Variants in PREP observed in about 807,000 individuals in gnomAD.
PREP encodes the protein prolyl endopeptidase, also known as dJ355L5.1 (prolyl endopeptidase).
PREP carries 29 observed loss-of-function variants against 87.6 expected under a neutral mutation model. That is an observed-to-expected ratio of 0.33 (90% CI 0.25 to 0.45). PREP has a LOEUF of 0.45. PREP is among the 20% of genes least tolerant of loss of function. PREP has a pLI of 1.00. For synonymous variants in PREP, 337 were observed against 328.6 expected (o/e 1.03, Z -0.28); for missense variants, 695 against 886.5 (o/e 0.78, Z 2.74).
chr6:105,352,204 G>A (rs1019831562), intron 7 of PREP, among the ~76,000 whole-genome samples: 1 of 152,084 alleles, frequency 6.6e-6, no homozygotes, highest in Admixed American at 6.5e-5. Flanking sequence ...TGTCCTTATC[G>A]GGGTGCCAGT....
chr6:105,377,112 C>T (rs1023215212), intron 3 of PREP, among the ~76,000 whole-genome samples: 30 of 152,174 alleles, frequency 2.0e-4, no homozygotes, highest in African/African-American at 6.8e-4. Context: ...TATGAATCAT[C>T]CTATCTCACC....
chr6:105,292,580 C>G (rs1330788820), intron 10 of PREP, among the ~76,000 whole-genome samples: 1 of 152,152 alleles, frequency 6.6e-6, no homozygotes, highest in Non-Finnish European at 1.5e-5. Context: ...TGCTTAAGGG[C>G]CCTGGGATTT....
chr6:105,313,977 A>G (rs2114636862), intron 10 of PREP, among the ~76,000 whole-genome samples: 1 of 152,370 alleles, frequency 6.6e-6, no homozygotes, highest in South Asian at 2.1e-4. Context: ...CTATACAGGC[A>G]CACCTCATAG....
At chr6:105,376,339 A>G (rs1392545710) in intron 3 of PREP, 84 bp from the exon 4 acceptor site, 1 of 1,484,850 alleles carries the variant, frequency 6.7e-7, no homozygotes, top group Admixed American at 2.0e-5. Context: ...AAAAACCAAA[A>G]CAAAACCAAA....
intron 10 of PREP, chr6:105,323,152 G>A: frequency 7.8e-7 from 1 of 1,284,418 alleles, no homozygotes; most frequent in South Asian, 1.2e-5. Context: ...TGAAAAGATG[G>A]TGGCCAAAGA....
At chr6:105,371,500 CAAAAAAAAAAA>C (rs528772896) in intron 5 of PREP, among the ~76,000 whole-genome samples, 2 of 44,804 alleles carry the variant, frequency 4.5e-5, no homozygotes, top group African/African-American at 1.2e-4. Flanking sequence ...GATTCCATCT[CAAAAAAAAAAA>C]AAAAAAAAAA....
At chr6:105,302,683 C>T (rs1053927325) in intron 10 of PREP, 4 of 492,594 alleles carry the variant, frequency 8.1e-6, no homozygotes, top group Admixed American at 2.4e-5. Flanking sequence ...GTGGATGACA[C>T]GGATCTTAGA....
intron 2 of PREP, among the ~76,000 whole-genome samples, chr6:105,391,870 T>G (rs1773158832): frequency 6.6e-6 from 1 of 151,960 alleles, no homozygotes; most frequent in African/African-American, 2.4e-5. Context: ...AAGGTAAAGT[T>G]TAGGAAGTCA....
chr6:105,371,047 T>G (rs901658643), intron 5 of PREP, among the ~76,000 whole-genome samples: 1 of 152,152 alleles, frequency 6.6e-6, no homozygotes, highest in Non-Finnish European at 1.5e-5. Context: ...TCAATGTAGA[T>G]TTACCAATGA....
chr6:105,392,587 GT>G (rs909931190), intron 2 of PREP, among the ~76,000 whole-genome samples: 11 of 151,508 alleles, frequency 7.3e-5, no homozygotes, highest in Non-Finnish European at 1.3e-4. Flanking sequence ...GTTTTTGTTT[GT>G]TTTTTTGAGA....
rs540132728 is a variant in PREP, at chr6:105,291,639, G to C, written c.1318-2745C>G. Among the ~76,000 whole-genome samples the C allele has an allele frequency of 1.4e-4, 22 of 152,264 alleles. No homozygotes were observed. The East Asian group carries it at 4.1e-3, about 28-fold the overall frequency. On this transcript the variant is annotated intron_variant, in intron 10 of 14. Coordinates refer to ENST00000652536, the MANE Select transcript of PREP (RefSeq NM_002726.5). ...TCCAGGTTCTTCAGTTTTGGGACTTGGACTGGCTCTCCTTGCTCCTGAGCT... is the reference window on the plus strand; with the variant it reads ...TCCAGGTTCTTCAGTTTTGGGACTTCGACTGGCTCTCCTTGCTCCTGAGCT...
intron 14 of PREP, among the ~76,000 whole-genome samples, chr6:105,279,556 AACTTGGAGCTCTAGCTC>A (rs1164895539): frequency 1.3e-5 from 2 of 152,194 alleles, no homozygotes; most frequent in African/African-American, 4.8e-5. Context: ...CAGCCATTCA[AACTTGGAGCTCTAGCTC>A]TTTTTTTGGG....
intron 11 of PREP, among the ~76,000 whole-genome samples, chr6:105,288,511 G>A (rs137896798): frequency 1.3e-5 from 2 of 152,210 alleles, no homozygotes; most frequent in African/African-American, 2.4e-5. Context: ...CCGCCACCAC[G>A]TCCAGCTAAT....
At position 105,278,088 on chromosome 6, in the gene PREP, A is replaced by G. The variant is rs189381812; in HGVS notation, c.*56T>C. On this transcript the variant is annotated 3_prime_UTR_variant, in exon 15 of 15. Coordinates refer to ENST00000652536, the MANE Select transcript of PREP (RefSeq NM_002726.5). The surrounding 1 kb of genome is among the most constrained non-coding windows in gnomAD (Gnocchi z 4.2). ...TATGCCCAGTGGTTTCTTGGTGTCA[A>G]CGTGGGAAAGCCCTTGAGGTTTTCT... is the stretch of plus-strand genomic sequence containing the variant. 1.0e-5 allele frequency: 16 copies of G among 1,556,934 alleles called. No individual in the cohort carries two copies. The East Asian group carries it at 1.8e-4, about 18-fold the overall frequency.
chr6:105,308,333 T>C (rs1294409893), intron 10 of PREP, among the ~76,000 whole-genome samples: 1 of 152,196 alleles, frequency 6.6e-6, no homozygotes, highest in Admixed American at 6.5e-5. Context: ...GTCAGTAGAA[T>C]TGCCTTTTTA....
chr6:105,282,010 T>G, intron 13 of PREP, 108 bp from the exon 14 acceptor site: 1 of 1,327,368 alleles, frequency 7.5e-7, no homozygotes, highest in Non-Finnish European at 1.0e-6. Flanking sequence ...TGGTTGCATT[T>G]ATCCAGAGCA....
intron 7 of PREP, among the ~76,000 whole-genome samples, chr6:105,342,787 AAAG>A (rs1299919259): frequency 6.6e-6 from 1 of 152,228 alleles, no homozygotes; most frequent in East Asian, 1.9e-4. Context: ...CAATTGCTAC[AAAG>A]AGAATAAAAT....
At chr6:105,353,632 C>T (rs1466594700) in intron 6 of PREP, among the ~76,000 whole-genome samples, 1 of 151,798 alleles carries the variant, frequency 6.6e-6, no homozygotes, top group Non-Finnish European at 1.5e-5. Flanking sequence ...ATTAGCCAGG[C>T]GTGGTGGTAG....
chr6:105,400,298 T>C (rs1773393269), intron 1 of PREP, among the ~76,000 whole-genome samples: 2 of 152,176 alleles, frequency 1.3e-5, no homozygotes, highest in Non-Finnish European at 1.5e-5. Context: ...ACTTGTACTG[T>C]TCAACAACTC....
Sources: allele counts gnomAD v4.1 joint callset (sites outside exome capture counted in the v4.1 genomes callset), GRCh38; gene constraint gnomAD v4.1.1; non-coding constraint Gnocchi (gnomAD v3.1); transcripts MANE v1.5; gene names NCBI Gene and HGNC (gene_info 2026-07-23, HGNC 2026-07-21).